Variants in MGAT4C observed in about 807,000 individuals in gnomAD.
The protein encoded by MGAT4C is MGAT4 family member C, also known as alpha-1,3-mannosyl-glycoprotein 4-beta-N-acetylglucosaminyltransferase C.
Under a neutral mutation model 40.1 loss-of-function variants are expected in MGAT4C, and 19 were observed. That is an observed-to-expected ratio of 0.47 (90% CI 0.33 to 0.70). MGAT4C has a LOEUF of 0.70. Among genes scored for constraint, MGAT4C ranks in the 30% least tolerant of loss-of-function variants. The probability of loss-of-function intolerance (pLI) is 0.02; values close to 1 mark genes in which losing one functional copy is unlikely to be tolerated. For missense variants in MGAT4C, 491 were observed against 563.2 expected, an observed-to-expected ratio of 0.87 and a Z score of 1.30; for synonymous variants, 181 against 187.1, an observed-to-expected ratio of 0.97 and a Z score of 0.27.
intron 2 of MGAT4C, among the ~76,000 whole-genome samples, chr12:86,707,373 C>T (rs577893007): frequency 4.6e-5 from 7 of 151,928 alleles, no homozygotes; most frequent in South Asian, 2.1e-4. Flanking sequence ...TGGTCTCAGA[C>T]GGAAAAGAGG....
At chr12:86,423,653 T>A (rs1044678765) in intron 3 of MGAT4C, among the ~76,000 whole-genome samples, 2 of 152,132 alleles carry the variant, frequency 1.3e-5, no homozygotes, top group African/African-American at 2.4e-5. Context: ...AAATGACTCA[T>A]GGTAGAAAGA....
chr12:86,351,467 T>A (rs1955160571), intron 3 of MGAT4C, among the ~76,000 whole-genome samples: 1 of 151,996 alleles, frequency 6.6e-6, no homozygotes, highest in African/African-American at 2.4e-5. Flanking sequence ...TTATAAATTA[T>A]AACAAAATAA....
chr12:86,180,830 G>A lies in MGAT4C; in HGVS notation c.-57+75409C>T, dbSNP rs546004424. ...CTTGCCTTGTCTCAGATGAAACTTTGGACTGTGGACTTTTGGGTTAATGTT... is the reference window on the plus strand; with the variant it reads ...CTTGCCTTGTCTCAGATGAAACTTTAGACTGTGGACTTTTGGGTTAATGTT... On this transcript the variant is annotated intron_variant, in intron 1 of 4. Transcript: ENST00000611864. Among the ~76,000 whole-genome samples the A allele has an allele frequency of 2.3e-3, 346 of 152,246 alleles. 2 individuals are homozygous for A. The highest frequency in any genetic ancestry group is 6.8e-3 in the Middle Eastern group (2 of 294).
At chr12:86,533,652 T>C (rs1959020675) in intron 2 of MGAT4C, among the ~76,000 whole-genome samples, 1 of 151,542 alleles carries the variant, frequency 6.6e-6, no homozygotes, top group Non-Finnish European at 1.5e-5. Context: ...CATTATTGTA[T>C]ATACACACAT....
chr12:86,484,989 A>G (rs1957996856), intron 2 of MGAT4C, among the ~76,000 whole-genome samples: 1 of 152,194 alleles, frequency 6.6e-6, no homozygotes, highest in Non-Finnish European at 1.5e-5. Flanking sequence ...AAATTACAAC[A>G]TCAAAAATAT....
intron 2 of MGAT4C, among the ~76,000 whole-genome samples, chr12:86,507,781 T>C (rs1958496962): frequency 1.3e-5 from 2 of 152,194 alleles, no homozygotes. Flanking sequence ...AAATCAGTAC[T>C]TCTTTAAAAT....
intron 3 of MGAT4C, among the ~76,000 whole-genome samples, chr12:86,385,562 T>G (rs1002560004): frequency 1.3e-5 from 2 of 152,238 alleles, no homozygotes; most frequent in Admixed American, 6.5e-5. Context: ...GGCCTATGCA[T>G]AGCATGTATG....
At chr12:86,623,349 C>T (rs1962697212) in intron 2 of MGAT4C, among the ~76,000 whole-genome samples, 1 of 152,134 alleles carries the variant, frequency 6.6e-6, no homozygotes, top group African/African-American at 2.4e-5. Context: ...CCAAAACAAA[C>T]TCAAGCATAG....
chr12:86,723,166 T>G (rs1302211911), intron 2 of MGAT4C, among the ~76,000 whole-genome samples: 4 of 152,196 alleles, frequency 2.6e-5, no homozygotes, highest in Non-Finnish European at 5.9e-5. Flanking sequence ...ATCAAACAAC[T>G]AATGTTGCTA....
chr12:86,766,353 C>T (rs1038653680), intron 1 of MGAT4C, among the ~76,000 whole-genome samples: 8 of 152,042 alleles, frequency 5.3e-5, no homozygotes, highest in African/African-American at 1.9e-4. Flanking sequence ...TACAGGAGCA[C>T]CCAGATTCAT....
At chr12:86,571,652 T>G (rs1032830942) in intron 2 of MGAT4C, among the ~76,000 whole-genome samples, 1 of 152,110 alleles carries the variant, frequency 6.6e-6, no homozygotes, top group South Asian at 2.1e-4. Flanking sequence ...TATTTATATA[T>G]GTACATGTGG....
At chr12:86,646,436 A>T (rs758280678) in intron 2 of MGAT4C, among the ~76,000 whole-genome samples, 10 of 151,920 alleles carry the variant, frequency 6.6e-5, no homozygotes, top group Non-Finnish European at 1.5e-4. Context: ...TGAGAACATG[A>T]TTGTGAAACT....
At chr12:86,416,282 G>A (rs1221467781) in intron 3 of MGAT4C, among the ~76,000 whole-genome samples, 1 of 152,010 alleles carries the variant, frequency 6.6e-6, no homozygotes, top group African/African-American at 2.4e-5. Flanking sequence ...TAAATTAACT[G>A]TGGGATGGAA....
Position 85,968,993 on chromosome 12 carries a change from T to C in MGAT4C, c.*10296A>G, listed in dbSNP as rs1027937170. ...TAATAGTCATTTCTGTTTTAATACT[T>C]CATAGACTTGTAAGGATGTAATGTA... is the stretch of plus-strand genomic sequence containing the variant. On this transcript the variant is annotated 3_prime_UTR_variant, in exon 5 of 5. Coordinates refer to ENST00000611864, the MANE Select transcript of MGAT4C (RefSeq NM_001351288.2). The C allele has an allele frequency of 2.6e-5, 4 of 151,858 alleles. No individual in the cohort carries two copies. The highest frequency in any genetic ancestry group is 4.4e-5 in the Non-Finnish European group (3 of 67,816). The allele number at this position is 151,858 out of a possible 1,614,324, so 9.4% of individuals were successfully genotyped here.
chr12:86,696,779 A>G (rs1164765108), intron 2 of MGAT4C, among the ~76,000 whole-genome samples: 1 of 152,156 alleles, frequency 6.6e-6, no homozygotes, highest in Non-Finnish European at 1.5e-5. Context: ...ATTAATTAGC[A>G]TCATTCTCAT....
intron 2 of MGAT4C, among the ~76,000 whole-genome samples, chr12:86,586,189 G>T (rs554344290): frequency 2.0e-3 from 276 of 140,306 alleles, no homozygotes; most frequent in Non-Finnish European, 3.5e-3. Flanking sequence ...CTATGAGTGA[G>T]AATATGTGGT....
At chr12:86,077,857 G>C (rs1870062832) in intron 1 of MGAT4C, among the ~76,000 whole-genome samples, 1 of 152,152 alleles carries the variant, frequency 6.6e-6, no homozygotes, top group East Asian at 1.9e-4. Flanking sequence ...CCTGATAGCA[G>C]AGGTCAATCA....
chr12:86,654,086 C>T (rs1490500792), intron 2 of MGAT4C, among the ~76,000 whole-genome samples: 2 of 151,878 alleles, frequency 1.3e-5, no homozygotes, highest in Non-Finnish European at 2.9e-5. Context: ...ACAAAAAAGT[C>T]TATATTCTTA....
At chr12:86,511,909 T>C (rs922239479) in intron 2 of MGAT4C, among the ~76,000 whole-genome samples, 3 of 152,034 alleles carry the variant, frequency 2.0e-5, no homozygotes, top group Admixed American at 6.6e-5. Context: ...TACATCAAAC[T>C]AAAAATCTTT....
Sources: allele counts gnomAD v4.1 joint callset (sites outside exome capture counted in the v4.1 genomes callset), GRCh38; gene constraint gnomAD v4.1.1; transcripts MANE v1.5; gene names NCBI Gene and HGNC (gene_info 2026-07-23, HGNC 2026-07-21).